The following CEP128 variants were observed in gnomAD, a reference collection of about 807,000 sequenced individuals.
CEP128 encodes the protein centrosomal protein 128.
Under a neutral mutation model 156.7 loss-of-function variants are expected in CEP128, and 132 were observed. The observed-to-expected ratio is 0.84, with a 90% CI of 0.73 to 0.97. The LOEUF (loss-of-function observed/expected upper bound fraction) is 0.97. Ranked by LOEUF, CEP128 falls within the 50% of genes least tolerant of loss-of-function variation. The pLI, the probability that CEP128 is intolerant of heterozygous loss-of-function variation, is 0.00. For missense variants in CEP128, 1,252 were observed against 1,281.9 expected (o/e 0.98, Z 0.36); for synonymous variants, 469 against 448.9 (o/e 1.04, Z -0.57).
chr14:80,759,482 C>A (rs1056895365), intron 17 of CEP128, among the ~76,000 whole-genome samples: 4 of 152,150 alleles, frequency 2.6e-5, no homozygotes, highest in Non-Finnish European at 5.9e-5. Flanking sequence ...CTTTACCACA[C>A]CCCTGGGTGG....
Position 80,657,092 on chromosome 14 carries a change from T to C in CEP128, c.2807-76669A>G, listed in dbSNP as rs35706893. On this transcript the variant is annotated intron_variant, in intron 19 of 24. Coordinates refer to ENST00000555265, the MANE Select transcript of CEP128 (RefSeq NM_152446.5). ...GGCCAAGATGGTGAAACCCCGTCAC[T>C]ACTAAAAATACAAAAATTAGCCATG... 9.1e-3 allele frequency among the ~76,000 whole-genome samples: 1,388 copies of C among 152,012 alleles called. 14 individuals are homozygous for C. The highest frequency in any genetic ancestry group is 0.02 in the Middle Eastern group (6 of 294).
intron 13 of CEP128, among the ~76,000 whole-genome samples, chr14:80,802,333 T>C (rs1165946445): frequency 1.3e-5 from 2 of 152,100 alleles, no homozygotes; most frequent in Non-Finnish European, 2.9e-5. Flanking sequence ...ATGGTATATA[T>C]ACATCATGGA....
chr14:80,810,495 T>A (rs990584818), intron 13 of CEP128, among the ~76,000 whole-genome samples: 1 of 152,090 alleles, frequency 6.6e-6, no homozygotes, highest in Non-Finnish European at 1.5e-5. Context: ...GTGACCTAAC[T>A]ATATGCTTCC....
chr14:80,856,913 G>C (rs1057242541), intron 9 of CEP128, among the ~76,000 whole-genome samples: 2 of 150,222 alleles, frequency 1.3e-5, no homozygotes, highest in Admixed American at 1.3e-4. Context: ...GCTGTTGTTT[G>C]TTTTTTGTAT....
intron 22 of CEP128, among the ~76,000 whole-genome samples, chr14:80,529,517 A>G (rs1008421161): frequency 3.9e-5 from 6 of 152,198 alleles, no homozygotes; most frequent in African/African-American, 1.4e-4. Flanking sequence ...GTGATCTGTC[A>G]CTGGAGGTTA....
At chr14:80,631,564 G>T (rs112499417) in intron 19 of CEP128, among the ~76,000 whole-genome samples, 1 of 151,798 alleles carries the variant, frequency 6.6e-6, no homozygotes, top group South Asian at 2.1e-4. Flanking sequence ...TATGTGATTC[G>T]GTATCTGCAA....
At chr14:80,503,275 T>C (rs996581614) in intron 24 of CEP128, among the ~76,000 whole-genome samples, 1 of 152,196 alleles carries the variant, frequency 6.6e-6, no homozygotes, top group African/African-American at 2.4e-5. Context: ...TATTTTCCTA[T>C]TTAACTTTAT....
At chr14:80,901,344 T>G (rs1883552591) in intron 6 of CEP128, among the ~76,000 whole-genome samples, 1 of 152,220 alleles carries the variant, frequency 6.6e-6, no homozygotes, top group Non-Finnish European at 1.5e-5. Context: ...TAGTATGATT[T>G]ATAATAAAAC....
chr14:80,924,491 T>C (rs1885041157), intron 2 of CEP128, among the ~76,000 whole-genome samples: 1 of 152,194 alleles, frequency 6.6e-6, no homozygotes, highest in South Asian at 2.1e-4. Context: ...GAGAAGGACA[T>C]TTAAGTGTAT....
intron 19 of CEP128, among the ~76,000 whole-genome samples, chr14:80,644,360 C>T (rs1015093729): frequency 6.6e-6 from 1 of 152,114 alleles, no homozygotes; most frequent in Admixed American, 6.5e-5. Flanking sequence ...TTTAGGACTC[C>T]CCTAAAATAC....
At chr14:80,913,381 T>C (rs1884358350) in intron 4 of CEP128, among the ~76,000 whole-genome samples, 1 of 152,232 alleles carries the variant, frequency 6.6e-6, no homozygotes, top group South Asian at 2.1e-4. Context: ...TATACATTAT[T>C]AAATTTTAAA....
At chr14:80,921,854 T>A (rs1370382894) in intron 2 of CEP128, among the ~76,000 whole-genome samples, 2 of 151,172 alleles carry the variant, frequency 1.3e-5, no homozygotes, top group African/African-American at 4.9e-5. Context: ...TCCCAGCCAC[T>A]CAGGAGGCTG....
In CEP128 at chr14:80,736,008, A is replaced by G; in HGVS notation, c.2806+7067T>C. On this transcript the variant is annotated intron_variant, in intron 19 of 24. Transcript: ENST00000555265. The stretch of plus-strand genomic sequence containing the variant: ...TAAAATCCCTTTTGCCATGTAAGGT[A>G]ACATATTCACAGATTCAACCCAGTA... 1.3e-5 allele frequency among the ~76,000 whole-genome samples: 2 copies of G among 152,188 alleles called. 1 individual carries two copies. Among genetic ancestry groups the G allele is most frequent in the East Asian group, 3.9e-4 (2 of 5,194 alleles).
At chr14:80,818,177 G>A (rs1456969884) in intron 13 of CEP128, among the ~76,000 whole-genome samples, 1 of 152,008 alleles carries the variant, frequency 6.6e-6, no homozygotes, top group Non-Finnish European at 1.5e-5. Flanking sequence ...GTACCACTAT[G>A]CCTGGCTAAA....
chr14:80,720,443 T>C (rs73338508), intron 19 of CEP128, among the ~76,000 whole-genome samples: 1,825 of 152,308 alleles, frequency 0.012, 37 homozygotes, highest in African/African-American at 0.041. Flanking sequence ...TGTCATTCCC[T>C]GCATTCCCAG....
At chr14:80,642,901 C>T (rs374176293) in intron 19 of CEP128, among the ~76,000 whole-genome samples, 51 of 151,866 alleles carry the variant, frequency 3.4e-4, no homozygotes, top group African/African-American at 1.2e-3. Flanking sequence ...ACTACAGGCA[C>T]GTGCCACCAC....
chr14:80,551,540 G>A (rs900700246), intron 21 of CEP128, among the ~76,000 whole-genome samples: 1 of 152,320 alleles, frequency 6.6e-6, no homozygotes, highest in South Asian at 2.1e-4. Flanking sequence ...TGGTGTTAAT[G>A]TGTGTCCCTG....
chr14:80,930,238 A>G (rs1009103031), intron 2 of CEP128, among the ~76,000 whole-genome samples: 2 of 152,208 alleles, frequency 1.3e-5, no homozygotes, highest in African/African-American at 4.8e-5. Context: ...TACTGCTTGC[A>G]GACTCATATC....
intron 19 of CEP128, among the ~76,000 whole-genome samples, chr14:80,646,091 C>A (rs1035866647): frequency 6.6e-6 from 1 of 152,068 alleles, no homozygotes; most frequent in African/African-American, 2.4e-5. Context: ...ATTTTTAGGG[C>A]AGTGAAACTA....
Sources: gnomAD v4.1 joint callset for allele counts (sites outside exome capture counted in the v4.1 genomes callset) on GRCh38, gnomAD v4.1.1 for gene constraint, MANE v1.5 for transcripts, NCBI Gene and HGNC (gene_info 2026-07-23, HGNC 2026-07-21) for gene names.